UNK: variants seen among roughly 807,000 people sequenced by gnomAD.
The protein encoded by UNK is RING finger protein unkempt homolog.
UNK carries 32 observed loss-of-function variants against 97.6 expected under a neutral mutation model. The observed-to-expected ratio is 0.33, with a 90% CI of 0.25 to 0.44. The LOEUF (loss-of-function observed/expected upper bound fraction) is 0.44. UNK is among the 20% of genes least tolerant of loss of function. UNK has a pLI of 1.00. For missense variants in UNK, 771 were observed against 1,098.4 expected (o/e 0.70, Z 4.21); for synonymous variants, 441 against 461.2 (o/e 0.96, Z 0.56).
chr17:75,824,549 T>TAA lies in UNK; in HGVS notation c.*132_*133insAA. 2.9e-6 allele frequency: 2 copies of TAA among 700,186 alleles called. No homozygotes were observed. The highest frequency in any genetic ancestry group is 3.7e-6 in the Non-Finnish European group (2 of 537,734). The allele number at this position is 700,186 out of a possible 1,614,324, so 43.4% of individuals were successfully genotyped here. ...GTATATGATTATGTATATGTATACA[T>TAA]TTCCGTATGTATGTATATGTATACA... is the stretch of plus-strand genomic sequence containing the variant. On this transcript the variant is annotated 3_prime_UTR_variant, in exon 16 of 16. Transcript: ENST00000589666. The surrounding 1 kb of genome is among the most constrained non-coding windows in gnomAD (Gnocchi z 4.9).
intron 1 of UNK, among the ~76,000 whole-genome samples, chr17:75,791,056 C>T (rs562156911): frequency 6.6e-6 from 1 of 152,190 alleles, no homozygotes. Context: ...TGTCTTCATG[C>T]CTTCAACTGC....
At chr17:75,809,574 C>A (rs2061949728) in intron 1 of UNK, among the ~76,000 whole-genome samples, 186 bp from the exon 2 acceptor site, 1 of 152,238 alleles carries the variant, frequency 6.6e-6, no homozygotes, top group African/African-American at 2.4e-5. Flanking sequence ...TGGTGTGGGA[C>A]TGGGGTGTTG....
In UNK at chr17:75,817,314, C is replaced by T. The variant is rs972583362; in HGVS notation, c.1105-12C>T. On this transcript the variant is annotated splice_polypyrimidine_tract_variant and intron_variant, in intron 8 of 15. Coordinates refer to ENST00000589666, the MANE Select transcript of UNK (RefSeq NM_001080419.3). The surrounding 1 kb of genome is among the most constrained non-coding windows in gnomAD (Gnocchi z 5.8). ...TGCCCACGGGCCCACTCCCTCCCCTCCTTCTCCGCAGCTCCTCTGTAGAAA... is the reference window on the plus strand; with the variant it reads ...TGCCCACGGGCCCACTCCCTCCCCTTCTTCTCCGCAGCTCCTCTGTAGAAA... 6.4e-7 allele frequency: 1 copy of T among 1,560,376 alleles called. No homozygotes were observed. Among genetic ancestry groups the T allele is most frequent in the Non-Finnish European group, 8.7e-7 (1 of 1,150,476 alleles).
At chr17:75,822,799 T>TC (rs35840629) in intron 14 of UNK, 141 bp downstream of exon 14, 5 of 1,110,854 alleles carry the variant, frequency 4.5e-6, no homozygotes, top group South Asian at 1.9e-5. Flanking sequence ...TCGCTCGCTC[T>TC]CCCCCTGGGA....
intron 1 of UNK, among the ~76,000 whole-genome samples, chr17:75,809,365 G>A (rs1005336750): frequency 4.6e-5 from 7 of 152,240 alleles, no homozygotes; most frequent in African/African-American, 1.7e-4. Context: ...AGGTGGACCT[G>A]GGTAGCAGAG....
chr17:75,818,903 C>T lies in UNK; in HGVS notation c.1546+87C>T, dbSNP rs2062041145. On this transcript the variant is annotated intron_variant, in intron 11 of 15. Transcript: ENST00000589666. This position sits in a 1 kb window ranked among gnomAD's most constrained non-coding sequence, Gnocchi z 5.1. ...CTCTGAAGCGAGTCTCAAATCAGCA[C>T]ACCAGACCCCTTAGACATCTGTCTT... is the stretch of plus-strand genomic sequence containing the variant. 1.4e-6 allele frequency: 2 copies of T among 1,386,136 alleles called. No homozygotes were observed. The highest frequency in any genetic ancestry group is 1.9e-6 in the Non-Finnish European group (2 of 1,046,964). 85.9% of individuals were successfully genotyped at this position (1,386,136 alleles called of 1,614,324 possible).
intron 1 of UNK, among the ~76,000 whole-genome samples, chr17:75,803,941 A>G (rs2061886864): frequency 6.6e-6 from 1 of 152,260 alleles, no homozygotes; most frequent in Admixed American, 6.5e-5. Context: ...CTCCAAAGTA[A>G]AACAGTGCTT....
intron 5 of UNK, 42 bp from the exon 6 acceptor site, chr17:75,813,719 C>T: frequency 6.6e-7 from 1 of 1,525,502 alleles, no homozygotes; most frequent in Non-Finnish European, 8.9e-7. Flanking sequence ...TCCGATCTCA[C>T]CTTCTCCTTT....
intron 1 of UNK, among the ~76,000 whole-genome samples, chr17:75,801,664 A>G (rs2061859216): frequency 1.3e-5 from 2 of 151,090 alleles, no homozygotes; most frequent in East Asian, 3.9e-4. Flanking sequence ...CTCCTGCCTC[A>G]GCCTCCTGAG....
intron 1 of UNK, among the ~76,000 whole-genome samples, chr17:75,802,378 C>T (rs941954165): frequency 6.7e-6 from 1 of 149,242 alleles, no homozygotes; most frequent in Admixed American, 6.9e-5. Context: ...TCACTTCAGC[C>T]TCCCAAGTAG....
intron 14 of UNK, among the ~76,000 whole-genome samples, chr17:75,822,950 G>A (rs551037487): frequency 6.6e-6 from 1 of 152,186 alleles, no homozygotes; most frequent in East Asian, 1.9e-4. Flanking sequence ...CAAGTCCAAG[G>A]TTCTGGGTTC....
rs756589669 is a variant in UNK at position 75,825,723 on chromosome 17, A to G, written c.*1306A>G. 2.0e-5 allele frequency: 3 copies of G among 152,238 alleles called. No individual in the cohort carries two copies. Among genetic ancestry groups the G allele is most frequent in the Non-Finnish European group, 4.4e-5 (3 of 68,034 alleles). The allele number at this position is 152,238 out of a possible 1,614,324, so 9.4% of individuals were successfully genotyped here. Reference sequence around the variant, plus strand: ...GAAAGGGCTTTCAATGAATTAAGTGAAAACTTTTTCCTTTTTTACAAAAAT... The same window carrying G: ...GAAAGGGCTTTCAATGAATTAAGTGGAAACTTTTTCCTTTTTTACAAAAAT... On this transcript the variant is annotated 3_prime_UTR_variant, in exon 16 of 16. Coordinates refer to ENST00000589666, the MANE Select transcript of UNK (RefSeq NM_001080419.3). This position sits in a 1 kb window ranked among gnomAD's most constrained non-coding sequence, Gnocchi z 4.4.
At chr17:75,808,936 T>G (rs2061942852) in intron 1 of UNK, 2 of 152,144 alleles carry the variant, frequency 1.3e-5, no homozygotes, top group Non-Finnish European at 2.9e-5. Context: ...GTCTTGGCTG[T>G]TACACATGCA....
At chr17:75,822,764 GA>G in intron 14 of UNK, 106 bp downstream of exon 14, 11 of 1,327,952 alleles carry the variant, frequency 8.3e-6, no homozygotes, top group Non-Finnish European at 1.1e-5. Context: ...GGGGCTGGAA[GA>G]ACAGAGCAGA....
intron 1 of UNK, among the ~76,000 whole-genome samples, chr17:75,790,948 T>C (rs951139438): frequency 1.3e-5 from 2 of 151,942 alleles, no homozygotes; most frequent in Non-Finnish European, 1.5e-5. Context: ...TTGAAAAAAA[T>C]AATAAAATAA....
intron 1 of UNK, among the ~76,000 whole-genome samples, chr17:75,790,052 A>C (rs374117249): frequency 1.3e-4 from 20 of 152,284 alleles, no homozygotes; most frequent in African/African-American, 4.8e-4. Flanking sequence ...CTGAGGCAGG[A>C]GAATCATTTG....
At chr17:75,803,770 TAGC>T (rs2061885401) in intron 1 of UNK, among the ~76,000 whole-genome samples, 1 of 152,222 alleles carries the variant, frequency 6.6e-6, no homozygotes, top group African/African-American at 2.4e-5. Context: ...TTTGATGGCT[TAGC>T]AGTGGTAGTT....
Position 75,823,361 on chromosome 17 carries a change from C to T in UNK, c.2116C>T (p.Leu706=). 4 of 1,611,630 alleles carry T rather than the reference C, an allele frequency of 2.5e-6. No individual in the cohort carries two copies. Among genetic ancestry groups the T allele is most frequent in the Non-Finnish European group, 3.4e-6 (4 of 1,179,150 alleles). The change falls in exon 15 of 16, where the codon CTG becomes TTG. Residue 706 remains leucine, a synonymous_variant. Transcript: ENST00000589666. The part of the protein sequence containing the change: ...CELAREQRDA[L]EVQVKKLQEE... ...GCTGGCCCGGGAGCAGCGGGATGCA[C>T]TGGAGGTGCAGGTGAAGAAGCTCCA...
chr17:75,798,814 C>T (rs2061830146), intron 1 of UNK, among the ~76,000 whole-genome samples: 1 of 152,068 alleles, frequency 6.6e-6, no homozygotes, highest in African/African-American at 2.4e-5. Context: ...CGCCTGTAAT[C>T]CCAGCACTTT....
Sources: gnomAD v4.1 joint callset for allele counts (sites outside exome capture counted in the v4.1 genomes callset) on GRCh38, gnomAD v4.1.1 for gene constraint, Gnocchi (gnomAD v3.1) non-coding constraint, MANE v1.5 for transcripts, NCBI Gene and HGNC (gene_info 2026-07-23, HGNC 2026-07-21) for gene names.